Variants in PRDM1 observed in about 807,000 individuals in gnomAD.
The protein encoded by PRDM1 is PR/SET domain 1.
In PRDM1, 13 loss-of-function variants were observed where a neutral mutation model predicts 62.8. The ratio of observed to expected loss-of-function variants is 0.21; its 90% CI spans 0.13 to 0.33. PRDM1 has a LOEUF of 0.33. Ranked by LOEUF, PRDM1 falls within the 10% of genes least tolerant of loss-of-function variation. The probability of loss-of-function intolerance (pLI) is 1.00; values close to 1 mark genes in which losing one functional copy is unlikely to be tolerated. For missense variants in PRDM1, 895 were observed against 1,058.8 expected, an observed-to-expected ratio of 0.85 and a Z score of 2.15; for synonymous variants, 396 against 417.6, an observed-to-expected ratio of 0.95 and a Z score of 0.63.
chr6:106,056,339 C>T (rs534717996), intron 1 of PRDM1, among the ~76,000 whole-genome samples: 1 of 152,312 alleles, frequency 6.6e-6, no homozygotes, highest in Non-Finnish European at 1.5e-5. Flanking sequence ...TCATCCCTCA[C>T]CGCCTTTGCA....
At chr6:106,009,800 C>T (rs1470194342) in intron 1 of PRDM1, among the ~76,000 whole-genome samples, 1 of 152,144 alleles carries the variant, frequency 6.6e-6, no homozygotes, top group African/African-American at 2.4e-5. Flanking sequence ...TCACTGCAAC[C>T]TCTGCTTCCT....
intron 1 of PRDM1, among the ~76,000 whole-genome samples, chr6:106,059,993 A>C (rs1171511685): frequency 6.6e-6 from 1 of 152,230 alleles, no homozygotes; most frequent in Non-Finnish European, 1.5e-5. Flanking sequence ...TGATATGTCC[A>C]TAAAATGTCC....
intron 1 of PRDM1, among the ~76,000 whole-genome samples, chr6:106,010,641 CT>C (rs1263040590): frequency 3.9e-5 from 6 of 152,100 alleles, no homozygotes; most frequent in African/African-American, 7.2e-5. Context: ...TTTAAACTTA[CT>C]TTTTTAAAAA....
chr6:106,100,395 T>G (rs1774234630), intron 4 of PRDM1: 1 of 152,248 alleles, frequency 6.6e-6, no homozygotes, highest in Admixed American at 6.5e-5. Flanking sequence ...ATGCTGAAGT[T>G]TTTGTAACTT....
At chr6:106,050,821 C>T (rs577882905) in intron 1 of PRDM1, among the ~76,000 whole-genome samples, 1 of 152,278 alleles carries the variant, frequency 6.6e-6, no homozygotes, top group Admixed American at 6.5e-5. Flanking sequence ...ATACCCACAT[C>T]TAAGGAATTC....
Position 106,007,434 on chromosome 6 carries a change from GA to G in PRDM1, c.-67+13803del, listed in dbSNP as rs959023495. Among the ~76,000 whole-genome samples, 14 of 151,196 alleles carry G rather than the reference GA, an allele frequency of 9.3e-5. 1 individual carries two copies. Among genetic ancestry groups the G allele is most frequent in the African/African-American group, 2.9e-4 (12 of 41,184 alleles). ...GACAGAGCGAGATCCATCTCAAAAA[GA>G]AAAAAAACATTATTTGAGACAAAGG... On this transcript the variant is annotated intron_variant, in intron 1 of 6. Coordinates refer to the PRDM1 transcript ENST00000652320.
chr6:106,077,619 G>GA (rs1278123313), intron 1 of PRDM1, among the ~76,000 whole-genome samples: 1 of 152,202 alleles, frequency 6.6e-6, no homozygotes, highest in Non-Finnish European at 1.5e-5. Flanking sequence ...ATGTTTCCAC[G>GA]AATGTCTGAA....
In PRDM1 at chr6:106,108,688, A is replaced by G. The variant is rs1774591496; in HGVS notation, c.*1202A>G. ...GTAAAAGCGGGTAATGAACATTCCT[A>G]TCCCCAACACATCAATTGTATTTTT... On this transcript the variant is annotated 3_prime_UTR_variant, in exon 7 of 7. Transcript: ENST00000369096. The G allele has an allele frequency of 8.6e-6, 2 of 233,546 alleles. No individual in the cohort carries two copies. The highest frequency in any genetic ancestry group is 1.2e-4 in the East Asian group (2 of 16,690). The allele number at this position is 233,546 out of a possible 1,614,324, so 14.5% of individuals were successfully genotyped here. A position where few individuals can be genotyped will look rare whatever the true frequency, so the allele number is the denominator to read the frequency against.
At chr6:106,055,277 G>A (rs1480415178) in intron 1 of PRDM1, among the ~76,000 whole-genome samples, 1 of 152,122 alleles carries the variant, frequency 6.6e-6, no homozygotes, top group Admixed American at 6.5e-5. Context: ...GGCTTTTACG[G>A]GAATTTTTTT....
At chr6:106,029,440 T>C (rs1395840994) in intron 1 of PRDM1, among the ~76,000 whole-genome samples, 1 of 152,234 alleles carries the variant, frequency 6.6e-6, no homozygotes, top group Non-Finnish European at 1.5e-5. Context: ...AGATCAAATA[T>C]GCATTGTCTG....
intron 1 of PRDM1, among the ~76,000 whole-genome samples, chr6:106,060,493 C>T (rs984215186): frequency 1.3e-5 from 2 of 152,050 alleles, no homozygotes; most frequent in African/African-American, 4.8e-5. Context: ...AGATAACTCA[C>T]TCGAGTACTA....
chr6:106,108,768 TTA>T lies in PRDM1; in HGVS notation c.*1283_*1284del. 4.3e-6 allele frequency: 1 copy of T among 233,152 alleles called. No homozygotes were observed. Among genetic ancestry groups the T allele is most frequent in the South Asian group, 1.8e-4 (1 of 5,512 alleles). 14.4% of individuals were successfully genotyped at this position (233,152 alleles called of 1,614,324 possible). ...TGTGTTTTTACATTTTATGGTTAAT[TTA>T]ATGGAAGATGAAAGGGCATTGCAAA... On this transcript the variant is annotated 3_prime_UTR_variant, in exon 7 of 7. Coordinates refer to ENST00000369096, the MANE Select transcript of PRDM1 (RefSeq NM_001198.4).
upstream of PRDM1, chr6:106,045,546 A>G (rs1394523228): frequency 6.6e-6 from 1 of 152,218 alleles, no homozygotes; most frequent in Non-Finnish European, 1.5e-5. Context: ...ATCTTTGTAC[A>G]GTATTTTGAG....
In PRDM1 at chr6:106,104,808, CT is replaced by C. The variant is rs767237733; in HGVS notation, c.665-12del. On this transcript the variant is annotated splice_polypyrimidine_tract_variant and intron_variant, in intron 4 of 6. Coordinates refer to ENST00000369096, the MANE Select transcript of PRDM1 (RefSeq NM_001198.4). The stretch of plus-strand genomic sequence containing the variant: ...TCTCTAGCCCTCTGTGTAATCGCCC[CT>C]TTTTCTTTATTTCAGCACAAACACA... 1.9e-6 allele frequency: 3 copies of C among 1,600,110 alleles called. No individual in the cohort carries two copies. In the Admixed American group the frequency reaches 5.3e-5, roughly 28 times the overall value.
intron 1 of PRDM1, among the ~76,000 whole-genome samples, chr6:106,034,057 T>C: frequency 6.6e-6 from 1 of 152,194 alleles, no homozygotes; most frequent in East Asian, 1.9e-4. Flanking sequence ...TTCATGGTAC[T>C]CTCTTTGAAT....
Position 106,108,427 on chromosome 6 carries a change from C to A in PRDM1, c.*941C>A. 4.3e-6 allele frequency: 1 copy of A among 232,294 alleles called. No individual in the cohort carries two copies. Among genetic ancestry groups the A allele is most frequent in the Non-Finnish European group, 8.5e-6 (1 of 117,742 alleles). 14.4% of individuals were successfully genotyped at this position (232,294 alleles called of 1,614,324 possible). A position where few individuals can be genotyped will look rare whatever the true frequency, so the allele number is the denominator to read the frequency against. ...AAGAAAAAAATGCCATGTTTTAAAA[C>A]CACTGCGAAAATTTCCCCAAAGCAT... On this transcript the variant is annotated 3_prime_UTR_variant, in exon 7 of 7. Transcript: ENST00000369096.
At chr6:106,071,263 A>ACT (rs59800395) in intron 1 of PRDM1, among the ~76,000 whole-genome samples, 15,642 of 152,000 alleles carry the variant, frequency 0.1, 937 homozygotes, top group East Asian at 0.16. Context: ...ACAGAGTGAG[A>ACT]CTGGCTCAAA....
intron 1 of PRDM1, among the ~76,000 whole-genome samples, chr6:106,038,394 T>A (rs144799065): frequency 6.6e-6 from 1 of 152,326 alleles, no homozygotes; most frequent in African/African-American, 2.4e-5. Flanking sequence ...TTTCTGAGCC[T>A]GTACATTTCA....
At chr6:106,021,968 C>T (rs1165348818) in intron 1 of PRDM1, among the ~76,000 whole-genome samples, 2 of 152,128 alleles carry the variant, frequency 1.3e-5, no homozygotes, top group Non-Finnish European at 2.9e-5. Context: ...GAGATTGTCA[C>T]AAAGTAGACT....
Sources: allele counts gnomAD v4.1 joint callset (sites outside exome capture counted in the v4.1 genomes callset), GRCh38; gene constraint gnomAD v4.1.1; transcripts MANE v1.5; gene names NCBI Gene and HGNC (gene_info 2026-07-23, HGNC 2026-07-21).